CTSA: variants seen among roughly 807,000 people sequenced by gnomAD.
CTSA encodes the protein cathepsin A.
CTSA carries 42 observed loss-of-function variants against 66.7 expected under a neutral mutation model. The observed-to-expected ratio is 0.63, with a 90% CI of 0.49 to 0.81. The LOEUF (loss-of-function observed/expected upper bound fraction) is 0.81. Among genes scored for constraint, CTSA ranks in the 40% least tolerant of loss-of-function variants. The pLI is 0.00. For missense variants in CTSA, 525 were observed against 610.9 expected (o/e 0.86, Z 1.48); for synonymous variants, 225 against 248.6 (o/e 0.91, Z 0.89).
At chr20:45,895,252 G>GT (rs1175390668) in intron 11 of CTSA, 119 bp downstream of exon 11, 1 of 1,181,198 alleles carries the variant, frequency 8.5e-7, no homozygotes, top group Non-Finnish European at 1.2e-6. Context: ...TGTAGAGGAT[G>GT]TTTAACATCC....
Position 45,892,805 on chromosome 20 carries a change from C to G in CTSA, c.525C>G (p.Thr175=). The G allele has an allele frequency of 1.2e-6, 2 of 1,614,152 alleles. No individual in the cohort carries two copies. Among genetic ancestry groups the G allele is most frequent in the Non-Finnish European group, 1.7e-6 (2 of 1,180,022 alleles). The change falls in exon 6 of 15, where the codon ACC becomes ACG. Residue 175 remains threonine, a synonymous_variant. Coordinates refer to ENST00000646241, the MANE Select transcript of CTSA (RefSeq NM_000308.4). The stretch of plus-strand genomic sequence containing the variant: ...ACAAGAACAACAAACTTTTCCTGAC[C>G]GGGGAGAGCTATGCTGGCATCTACA... The part of the protein sequence containing the change: ...PEYKNNKLFL[T]GESYAGIYIP...
Position 45,891,693 on chromosome 20 carries a change from C to G in CTSA, c.125C>G (p.Ala42Gly). Residue 42 changes from alanine (A) to glycine (G), a missense_variant, in exon 2 of 15, where the codon GCC (alanine) becomes GGC (glycine). Ala to Gly is a moderately conservative substitution (Grantham distance 60). This residue lies in a region of CTSA where 246 missense variants were observed against 267.4 expected (regional missense o/e 0.92). Transcript: ENST00000646241. The surrounding 1 kb of genome is among the most constrained non-coding windows in gnomAD (Gnocchi z 4.6). ...QDEIQRLPGL[A>G]KQPSFRQYSG... ...GAGATCCAGCGCCTCCCCGGGCTGG[C>G]CAAGCAGCCGTCTTTCCGCCAGTAC... 1 of 1,613,274 alleles carries G rather than the reference C, an allele frequency of 6.2e-7. No homozygotes were observed. The highest frequency in any genetic ancestry group is 8.5e-7 in the Non-Finnish European group (1 of 1,180,024).
At chr20:45,894,967 C>T in intron 10 of CTSA, 27 bp from the exon 11 acceptor site, 1 of 1,614,108 alleles carries the variant, frequency 6.2e-7, no homozygotes, top group Non-Finnish European at 8.5e-7. Context: ...GAAGCAGAGG[C>T]CCTGACCCAC....
intron 11 of CTSA, among the ~76,000 whole-genome samples, chr20:45,895,757 A>C (rs2083098161): frequency 6.6e-6 from 1 of 151,882 alleles, no homozygotes; most frequent in South Asian, 2.1e-4. Flanking sequence ...ATTTTTAAAA[A>C]ATTTTTTTGT....
Position 45,894,839 on chromosome 20 carries a change from G to A in CTSA, c.886G>A (p.Val296Ile), listed in dbSNP as rs1987156860. The change falls in exon 10 of 15, where the codon GTT becomes ATT. Residue 296 changes from valine (V) to isoleucine (I), a missense_variant. By Grantham distance (29) the Val-to-Ile change is conservative. Coordinates refer to ENST00000646241, the MANE Select transcript of CTSA (RefSeq NM_000308.4). ...ACATTGCAGGTATGAGAAGGACACT[G>A]TTGTGGTCCAGGATTTGGGCAACAT... is the stretch of plus-strand genomic sequence containing the variant. ...PSHFRYEKDTVVVQDLGNIFT... is the reference protein window; with the variant it reads ...PSHFRYEKDTIVVQDLGNIFT... 3.7e-6 allele frequency: 6 copies of A among 1,614,110 alleles called. No homozygotes were observed. Among genetic ancestry groups the A allele is most frequent in the Middle Eastern group, 1.6e-4 (1 of 6,062 alleles).
intron 11 of CTSA, among the ~76,000 whole-genome samples, chr20:45,896,229 C>G (rs1263856046): frequency 6.8e-6 from 1 of 148,134 alleles, no homozygotes; most frequent in African/African-American, 2.6e-5. Context: ...CTTCCATGTC[C>G]AGTCTCCTGT....
At chr20:45,895,493 T>G (rs536931119) in intron 11 of CTSA, among the ~76,000 whole-genome samples, 51 of 152,106 alleles carry the variant, frequency 3.4e-4, no homozygotes, top group Non-Finnish European at 6.2e-4. Flanking sequence ...TTGTATTTTT[T>G]GTACAGATGG....
In CTSA at chr20:45,891,967, C is replaced by T. The variant is rs750478435; in HGVS notation, c.246C>T (p.Leu82=). Residue 82 remains leucine, a synonymous_variant, in exon 3 of 15, where the codon CTC becomes CTT. Transcript: ENST00000646241. The surrounding 1 kb of genome is among the most constrained non-coding windows in gnomAD (Gnocchi z 4.6). ...AGAACAGCCCTGTGGTGCTTTGGCT[C>T]AATGGGGGTCCCGGCTGCAGCTCAC... is the stretch of plus-strand genomic sequence containing the variant. ...DPENSPVVLW[L]NGGPGCSSLD... 2 of 1,614,146 alleles carry T rather than the reference C, an allele frequency of 1.2e-6. No individual in the cohort carries two copies. The highest frequency in any genetic ancestry group is 2.2e-5 in the South Asian group (2 of 91,076).
At chr20:45,896,209 A>G (rs1601145782) in intron 11 of CTSA, among the ~76,000 whole-genome samples, 1 of 151,612 alleles carries the variant, frequency 6.6e-6, no homozygotes, top group South Asian at 2.1e-4. Context: ...CAACAATAAC[A>G]AACTGTTAAC....
At chr20:45,894,162 C>T (rs750027267) in intron 8 of CTSA, 90 bp downstream of exon 8, 26 of 936,010 alleles carry the variant, frequency 2.8e-5, no homozygotes, top group African/African-American at 4.8e-5. Context: ...CCTTGTTCTC[C>T]GTCCCTCATT....
chr20:45,893,846 T>C (rs1333410875), intron 7 of CTSA, 142 bp from the exon 8 acceptor site: 5 of 727,860 alleles, frequency 6.9e-6, no homozygotes, highest in Admixed American at 1.9e-5. Context: ...CTAGCTTAGA[T>C]GACATACAGA....
chr20:45,891,407 A>AT lies in CTSA; in HGVS notation c.-1+29dup. 1 of 1,560,310 alleles carries AT rather than the reference A, an allele frequency of 6.4e-7. No individual in the cohort carries two copies. Among genetic ancestry groups the AT allele is most frequent in the Non-Finnish European group, 8.7e-7 (1 of 1,153,204 alleles). On this transcript the variant is annotated intron_variant, in intron 1 of 14. Transcript: ENST00000646241. This position sits in a 1 kb window ranked among gnomAD's most constrained non-coding sequence, Gnocchi z 4.6. Reference sequence around the variant, plus strand: ...GAGCTGGCACCGGAGGCTGGAGGGGATCCCCGAGCCCGGGATCGGTGCGCG... The same window carrying AT: ...GAGCTGGCACCGGAGGCTGGAGGGGATTCCCCGAGCCCGGGATCGGTGCGCG...
At position 45,894,740 on chromosome 20, in the gene CTSA, A is replaced by C; in HGVS notation, c.868A>C (p.Arg290=). The C allele has an allele frequency of 6.2e-7, 1 of 1,614,048 alleles. No homozygotes were observed. Among genetic ancestry groups the C allele is most frequent in the Non-Finnish European group, 8.5e-7 (1 of 1,179,962 alleles). The stretch of plus-strand genomic sequence containing the variant: ...TGCTGGAGGGGTGCCCAGCCATTTT[A>C]GGTAGGTGCTGCTGGGTGCCCCTGG... ...PCAGGVPSHF[R]YEKDTVVVQD... is the part of the protein sequence containing the mutation. The change falls in exon 9 of 15, where the codon AGG becomes CGG. Residue 290 remains arginine, a splice_region_variant and synonymous_variant. Transcript: ENST00000646241.
intron 3 of CTSA, 82 bp from the exon 4 acceptor site, chr20:45,892,191 A>G (rs962457324): frequency 6.6e-7 from 1 of 1,506,000 alleles, no homozygotes; most frequent in Non-Finnish European, 9.2e-7. Flanking sequence ...TTTTACCCAC[A>G]TGTAAAGTGC....
chr20:45,896,828 C>T, intron 11 of CTSA, 137 bp from the exon 12 acceptor site: 1 of 765,034 alleles, frequency 1.3e-6, no homozygotes, highest in Non-Finnish European at 2.3e-6. Flanking sequence ...AGAGGTGGCC[C>T]CCCCCCAAAA....
Position 45,891,686 on chromosome 20 carries a change from G to A in CTSA, c.118G>A (p.Gly40Arg), listed in dbSNP as rs1388590099. ...CCAGGACGAGATCCAGCGCCTCCCCGGGCTGGCCAAGCAGCCGTCTTTCCG... is the reference window on the plus strand; with the variant it reads ...CCAGGACGAGATCCAGCGCCTCCCCAGGCTGGCCAAGCAGCCGTCTTTCCG... ...PDQDEIQRLP[G>R]LAKQPSFRQY... Residue 40 changes from glycine (G) to arginine (R), a missense_variant, in exon 2 of 15, where the codon GGG (glycine) becomes AGG (arginine). Gly to Arg is a moderately radical substitution (Grantham distance 125). Transcript: ENST00000646241. This position sits in a 1 kb window ranked among gnomAD's most constrained non-coding sequence, Gnocchi z 4.6. 5 of 1,613,164 alleles carry A rather than the reference G, an allele frequency of 3.1e-6. No homozygotes were observed. Among genetic ancestry groups the A allele is most frequent in the East Asian group, 2.2e-5 (1 of 44,874 alleles).
At chr20:45,893,869 A>C (rs537937856) in intron 7 of CTSA, 119 bp from the exon 8 acceptor site, 317 of 762,536 alleles carry the variant, frequency 4.2e-4, no homozygotes, top group Non-Finnish European at 2.4e-4. Flanking sequence ...ACACCCTGTG[A>C]TATCTTTCCC....
chr20:45,893,212 T>C lies in CTSA; in HGVS notation c.601-8T>C, dbSNP rs1426951607. ...CCACATGAGCTGAGCACCCTGGGTG[T>C]TTCACAGGGGCTGGCTGTGGGCAAT... On this transcript the variant is annotated splice_polypyrimidine_tract_variant and splice_region_variant and intron_variant, in intron 6 of 14. Transcript: ENST00000646241. 2 of 1,612,314 alleles carry C rather than the reference T, an allele frequency of 1.2e-6. No individual in the cohort carries two copies. The highest frequency in any genetic ancestry group is 3.3e-4 in the Middle Eastern group (2 of 6,062).
At chr20:45,895,242 T>A in intron 11 of CTSA, 109 bp downstream of exon 11, 4 of 1,287,252 alleles carry the variant, frequency 3.1e-6, no homozygotes, top group Non-Finnish European at 2.2e-6. Context: ...TGAGATGAGC[T>A]GTAGAGGATG....
Sources: gnomAD v4.1 joint callset for allele counts (sites outside exome capture counted in the v4.1 genomes callset) on GRCh38, gnomAD v4.1.1 for gene constraint, gnomAD v4.1.1 regional missense constraint, Gnocchi (gnomAD v3.1) non-coding constraint, MANE v1.5 for transcripts, NCBI Gene and HGNC (gene_info 2026-07-23, HGNC 2026-07-21) for gene names.